The following SLC24A3 variants were observed in gnomAD, a reference collection of about 807,000 sequenced individuals.
SLC24A3 encodes the protein sodium/potassium/calcium exchanger 3.
A neutral mutation model predicts 75.8 loss-of-function variants in SLC24A3; 28 were observed. That is an observed-to-expected ratio of 0.37 (90% CI 0.27 to 0.51). SLC24A3 has a LOEUF of 0.51. Among genes scored for constraint, SLC24A3 ranks in the 20% least tolerant of loss-of-function variants. The pLI is 0.94. For missense variants in SLC24A3, 663 were observed against 847.8 expected (o/e 0.78, Z 2.71); for synonymous variants, 372 against 334.1 (o/e 1.11, Z -1.24).
intron 1 of SLC24A3, among the ~76,000 whole-genome samples, chr20:19,271,144 G>A (rs1190491666): frequency 6.6e-6 from 1 of 152,166 alleles, no homozygotes; most frequent in Non-Finnish European, 1.5e-5. Context: ...GTTCAATGGA[G>A]AAAGATAGGG....
At chr20:19,601,360 T>A (rs1041250550) in intron 6 of SLC24A3, among the ~76,000 whole-genome samples, 10 of 152,202 alleles carry the variant, frequency 6.6e-5, no homozygotes, top group African/African-American at 2.4e-4. Flanking sequence ...GGTGCCCCAG[T>A]TCCCTGGTCT....
At chr20:19,660,069 C>T (rs899796852) in intron 7 of SLC24A3, among the ~76,000 whole-genome samples, 4 of 152,126 alleles carry the variant, frequency 2.6e-5, no homozygotes, top group East Asian at 1.9e-4. Context: ...CATCACCCTC[C>T]CCTCCTGCAC....
intron 1 of SLC24A3, among the ~76,000 whole-genome samples, chr20:19,240,784 A>G (rs970255551): frequency 3.3e-5 from 5 of 152,134 alleles, no homozygotes; most frequent in Non-Finnish European, 4.4e-5. Flanking sequence ...TCTTGGGTCA[A>G]TGGGACCACT....
At chr20:19,573,875 AG>A (rs960947694) in intron 3 of SLC24A3, among the ~76,000 whole-genome samples, 1 of 152,220 alleles carries the variant, frequency 6.6e-6, no homozygotes, top group African/African-American at 2.4e-5. Flanking sequence ...GCAAAATAAA[AG>A]GTTTAATGAC....
chr20:19,656,602 G>A (rs1057225907), intron 7 of SLC24A3, among the ~76,000 whole-genome samples: 1 of 152,156 alleles, frequency 6.6e-6, no homozygotes, highest in Admixed American at 6.5e-5. Context: ...ACAGGATGTT[G>A]GGATGATTTT....
chr20:19,597,423 T>A (rs1157313601), intron 6 of SLC24A3, among the ~76,000 whole-genome samples: 1 of 152,134 alleles, frequency 6.6e-6, no homozygotes, highest in Admixed American at 6.5e-5. Context: ...AAAATATATA[T>A]AATTTTAGAA....
chr20:19,535,644 G>A (rs1413839342), intron 3 of SLC24A3, among the ~76,000 whole-genome samples: 16 of 152,172 alleles, frequency 1.1e-4, no homozygotes, highest in Admixed American at 9.2e-4. Flanking sequence ...TTTTTTATAA[G>A]AGAGTCTTAG....
At chr20:19,501,272 A>G (rs2122542621) in intron 2 of SLC24A3, among the ~76,000 whole-genome samples, 1 of 152,298 alleles carries the variant, frequency 6.6e-6, no homozygotes, top group East Asian at 1.9e-4. Flanking sequence ...TTTCATCTTA[A>G]CTAACTCAAC....
intron 2 of SLC24A3, among the ~76,000 whole-genome samples, chr20:19,463,799 G>C (rs1987719794): frequency 6.6e-6 from 1 of 152,222 alleles, no homozygotes; most frequent in Admixed American, 6.5e-5. Flanking sequence ...GATGTAAAGG[G>C]CTCCCCCTGG....
At chr20:19,553,581 C>T (rs2030736739) in intron 3 of SLC24A3, among the ~76,000 whole-genome samples, 1 of 152,164 alleles carries the variant, frequency 6.6e-6, no homozygotes, top group African/African-American at 2.4e-5. Context: ...CAGCATGGTA[C>T]TCAGTAAATA....
chr20:19,515,719 C>G (rs1057382797), intron 3 of SLC24A3, among the ~76,000 whole-genome samples, 155 bp downstream of exon 3: 8 of 152,146 alleles, frequency 5.3e-5, no homozygotes, highest in Non-Finnish European at 1.0e-4. Context: ...GGGCCATCAC[C>G]AAATGGAGAT....
chr20:19,425,164 A>G (rs962187086), intron 2 of SLC24A3, among the ~76,000 whole-genome samples: 11 of 152,142 alleles, frequency 7.2e-5, no homozygotes, highest in African/African-American at 2.4e-4. Context: ...TTAGCTGGGC[A>G]TGGTGGTGTG....
intron 2 of SLC24A3, among the ~76,000 whole-genome samples, chr20:19,312,296 G>A (rs973083627): frequency 3.9e-5 from 6 of 152,096 alleles, no homozygotes; most frequent in African/African-American, 1.2e-4. Context: ...GTAGCCCAAG[G>A]CGCAGGGGAC....
In SLC24A3 at chr20:19,460,416, C is replaced by T. The variant is rs531298080; in HGVS notation, c.272-55072C>T. Among the ~76,000 whole-genome samples, 34 of 146,858 alleles carry T rather than the reference C, an allele frequency of 2.3e-4. No individual in the cohort carries two copies. In the South Asian group the frequency reaches 7.5e-3, roughly 32 times the overall value. ...GACCCGGGCTCATGTAAACGACCCC[C>T]ACAGCCTAACCAGATGTGGGCAGGA... is the stretch of plus-strand genomic sequence containing the variant. On this transcript the variant is annotated intron_variant, in intron 2 of 16. Coordinates refer to ENST00000328041, the MANE Select transcript of SLC24A3 (RefSeq NM_020689.4).
chr20:19,632,852 C>A (rs945526133), intron 6 of SLC24A3, among the ~76,000 whole-genome samples: 2 of 152,220 alleles, frequency 1.3e-5, no homozygotes, highest in Non-Finnish European at 2.9e-5. Flanking sequence ...TCCTCCAACT[C>A]TTAGGGCTGT....
At chr20:19,561,754 C>T (rs2122611354) in intron 3 of SLC24A3, among the ~76,000 whole-genome samples, 1 of 152,220 alleles carries the variant, frequency 6.6e-6, no homozygotes, top group African/African-American at 2.4e-5. Context: ...TTAAAACAAC[C>T]ATATGAGGTT....
intron 2 of SLC24A3, among the ~76,000 whole-genome samples, chr20:19,369,605 T>G (rs985798034): frequency 6.6e-6 from 1 of 151,982 alleles, no homozygotes; most frequent in Non-Finnish European, 1.5e-5. Flanking sequence ...TCCATTTTTT[T>G]ATAATTTCAC....
intron 9 of SLC24A3, among the ~76,000 whole-genome samples, chr20:19,676,352 C>T (rs2032524578): frequency 6.6e-6 from 1 of 152,218 alleles, no homozygotes; most frequent in African/African-American, 2.4e-5. Flanking sequence ...CTTTTACCAA[C>T]ATTCCAGCTG....
At chr20:19,421,697 G>A (rs888403049) in intron 2 of SLC24A3, among the ~76,000 whole-genome samples, 3 of 152,126 alleles carry the variant, frequency 2.0e-5, no homozygotes, top group Non-Finnish European at 4.4e-5. Context: ...GGGATTTACT[G>A]GGCAAAAAGG....
Sources: allele counts gnomAD v4.1 joint callset (sites outside exome capture counted in the v4.1 genomes callset), GRCh38; gene constraint gnomAD v4.1.1; transcripts MANE v1.5; gene names NCBI Gene and HGNC (gene_info 2026-07-23, HGNC 2026-07-21).